MIER2: variants seen among roughly 807,000 people sequenced by gnomAD.
MIER2 encodes the protein MIER family member 2.
MIER2 carries 30 observed loss-of-function variants against 67.6 expected under a neutral mutation model. The observed-to-expected ratio is 0.44, with a 90% CI of 0.33 to 0.60. The LOEUF (loss-of-function observed/expected upper bound fraction) is 0.60. Among genes scored for constraint, MIER2 ranks in the 20% least tolerant of loss-of-function variants. MIER2 has a pLI of 0.02. For synonymous variants in MIER2, 372 were observed against 312.6 expected, an observed-to-expected ratio of 1.19 and a Z score of -2.00; for missense variants, 702 against 745.1, an observed-to-expected ratio of 0.94 and a Z score of 0.67.
intron 4 of MIER2, 133 bp from the exon 5 acceptor site, chr19:327,389 G>C: frequency 2.5e-6 from 3 of 1,183,182 alleles, no homozygotes; most frequent in East Asian, 2.5e-5. Flanking sequence ...ATTCTGCAAA[G>C]GGTGCACAGC....
In MIER2 at chr19:308,234, T is replaced by C. The variant is rs968121828; in HGVS notation, c.1198+343A>G. On this transcript the variant is annotated intron_variant, in intron 12 of 13. Coordinates refer to ENST00000264819, the MANE Select transcript of MIER2 (RefSeq NM_017550.3). The surrounding 1 kb of genome is among the most constrained non-coding windows in gnomAD (Gnocchi z 9.1). ...GACACCCTGTCCTTCCTGAGTGTCC[T>C]GGTGACGGGCTAAGTCCCCACCCTG... 6.6e-5 allele frequency among the ~76,000 whole-genome samples: 10 copies of C among 152,168 alleles called. No individual in the cohort carries two copies. The highest frequency in any genetic ancestry group is 4.4e-5 in the Non-Finnish European group (3 of 68,006).
rs201519441 is a variant in MIER2, at chr19:308,618, C to G, written c.1157G>C (p.Arg386Pro). Reference sequence around the variant, plus strand: ...CAGGGTGTCTTGCTCCGGGCGCGGACGGCCGGGGCCATCGGGGTCGCTGCC... The same window carrying G: ...CAGGGTGTCTTGCTCCGGGCGCGGAGGGCCGGGGCCATCGGGGTCGCTGCC... The part of the protein sequence containing the change: ...LDGSDPDGPG[R>P]PRPEQDTLTG... The change falls in exon 12 of 14, where the codon CGT (arginine) becomes CCT (proline). Residue 386 changes from arginine to proline, a missense_variant. Transcript: ENST00000264819. This position sits in a 1 kb window ranked among gnomAD's most constrained non-coding sequence, Gnocchi z 9.1. The G allele has an allele frequency of 6.2e-7, 1 of 1,607,356 alleles. No homozygotes were observed. The highest frequency in any genetic ancestry group is 1.7e-5 in the Admixed American group (1 of 59,198).
At chr19:322,644 C>T (rs189841577) in intron 7 of MIER2, among the ~76,000 whole-genome samples, 6 of 152,226 alleles carry the variant, frequency 3.9e-5, no homozygotes, top group East Asian at 3.9e-4. Context: ...ATCCACCAGA[C>T]GGGCTAAAAT....
intron 1 of MIER2, among the ~76,000 whole-genome samples, chr19:337,484 G>A (rs1203677351): frequency 6.6e-6 from 1 of 152,120 alleles, no homozygotes; most frequent in Non-Finnish European, 1.5e-5. Flanking sequence ...TTCACACCAT[G>A]AGCACCACAA....
rs1971023590 is a variant in MIER2 at position 311,931 on chromosome 19, A to G, written c.898T>C (p.Cys300Arg). ...FNVKVIRDGL[C>R]AWSEEECRNF... ...CTGCACTCCTCTTCACTCCAAGCAC[A>G]GAGCCCATCTGCAAACACGGCCGGG... Residue 300 changes from cysteine to arginine, a missense_variant, in exon 10 of 14, where the codon TGT becomes CGT. By Grantham distance (180) the Cys-to-Arg change is radical. Transcript: ENST00000264819. 1 of 1,613,994 alleles carries G rather than the reference A, an allele frequency of 6.2e-7. No individual in the cohort carries two copies.
At position 326,531 on chromosome 19, in the gene MIER2, A is replaced by T; in HGVS notation, c.561T>A (p.Ser187=). Residue 187 remains serine (S), a synonymous_variant, in exon 6 of 14, where the codon TCT becomes TCA. Coordinates refer to ENST00000264819, the MANE Select transcript of MIER2 (RefSeq NM_017550.3). Reference sequence around the variant, plus strand: ...CCTTCTTACATTTGTTGGCAGGAAGAGAGTCCTCCTCGGTGTCGGAGGAGG... The same window carrying T: ...CCTTCTTACATTTGTTGGCAGGAAGTGAGTCCTCCTCGGTGTCGGAGGAGG... ...SSASSDTEED[S]LPANKCKKEI... 1 of 1,614,068 alleles carries T rather than the reference A, an allele frequency of 6.2e-7. No individual in the cohort carries two copies. Among genetic ancestry groups the T allele is most frequent in the South Asian group, 1.1e-5 (1 of 91,080 alleles).
intron 3 of MIER2, 55 bp downstream of exon 3, chr19:334,345 G>A (rs1412914452): frequency 4.4e-6 from 7 of 1,606,630 alleles, no homozygotes; most frequent in Non-Finnish European, 5.9e-6. Flanking sequence ...AACTCATGAG[G>A]CTTACCCCGG....
intron 1 of MIER2, among the ~76,000 whole-genome samples, chr19:337,047 T>C (rs1972289413): frequency 6.6e-6 from 1 of 152,148 alleles, no homozygotes. Flanking sequence ...TTTCACCATG[T>C]TGCCCAGGCT....
chr19:344,366 C>T, intron 1 of MIER2: 1 of 984,908 alleles, frequency 1.0e-6, no homozygotes, highest in Non-Finnish European at 1.2e-6. Flanking sequence ...GCAAAGTTGG[C>T]AAAGGCGCGG....
At chr19:343,518 G>C (rs1972594958) in intron 1 of MIER2, among the ~76,000 whole-genome samples, 1 of 152,174 alleles carries the variant, frequency 6.6e-6, no homozygotes, top group Non-Finnish European at 1.5e-5. Flanking sequence ...CATAAACACA[G>C]GGCCTGTTAC....
intron 6 of MIER2, 63 bp downstream of exon 6, chr19:326,444 G>A (rs1568230106): frequency 2.0e-6 from 3 of 1,478,220 alleles, no homozygotes; most frequent in Admixed American, 1.7e-5. Flanking sequence ...CGGGATGCCA[G>A]GTTGGGGAGA....
chr19:325,510 G>T, intron 7 of MIER2, 125 bp downstream of exon 7: 2 of 1,096,732 alleles, frequency 1.8e-6, no homozygotes, highest in Non-Finnish European at 1.4e-6. Flanking sequence ...CCAGCCACAG[G>T]CTCAGCTGCC....
At chr19:327,767 G>C (rs1971826222) in intron 4 of MIER2, 97 bp downstream of exon 4, 4 of 1,531,918 alleles carry the variant, frequency 2.6e-6, no homozygotes, top group Admixed American at 2.1e-5. Flanking sequence ...GGGGGCCTTT[G>C]TGCCTCCTCT....
At chr19:344,743 G>A (rs565781446) in intron 1 of MIER2, 31 bp downstream of exon 1, 8 of 1,163,216 alleles carry the variant, frequency 6.9e-6, no homozygotes, top group South Asian at 4.2e-5. Flanking sequence ...CGCGGGGGCG[G>A]GGGGCCGGCT....
At chr19:313,709 A>G in intron 7 of MIER2, 66 bp from the exon 8 acceptor site, 1 of 1,560,972 alleles carries the variant, frequency 6.4e-7, no homozygotes, top group East Asian at 2.3e-5. Flanking sequence ...CGCCAGGACA[A>G]GCAAAGCAGC....
chr19:341,068 C>T (rs187149514), intron 1 of MIER2, among the ~76,000 whole-genome samples: 140 of 152,336 alleles, frequency 9.2e-4, no homozygotes, highest in African/African-American at 3.2e-3. Context: ...CACAGCCACA[C>T]GCGGTGTGAA....
chr19:315,131 G>A (rs1056852422), intron 7 of MIER2, among the ~76,000 whole-genome samples: 2 of 152,182 alleles, frequency 1.3e-5, no homozygotes, highest in African/African-American at 2.4e-5. Flanking sequence ...TTGGGAGGCT[G>A]AGGCGGGCGG....
At chr19:331,085 G>T (rs939027809) in intron 3 of MIER2, among the ~76,000 whole-genome samples, 1 of 152,146 alleles carries the variant, frequency 6.6e-6, no homozygotes, top group Non-Finnish European at 1.5e-5. Flanking sequence ...AAACTGACCA[G>T]GCGTGGCTCA....
intron 13 of MIER2, 31 bp downstream of exon 13, chr19:307,087 TG>T: frequency 6.5e-7 from 1 of 1,548,466 alleles, no homozygotes; most frequent in Non-Finnish European, 8.7e-7. Flanking sequence ...GTTGGAGTGT[TG>T]CGGAGGCTCC....
Sources: gnomAD v4.1 joint callset for allele counts (sites outside exome capture counted in the v4.1 genomes callset) on GRCh38, gnomAD v4.1.1 for gene constraint, Gnocchi (gnomAD v3.1) non-coding constraint, MANE v1.5 for transcripts, NCBI Gene and HGNC (gene_info 2026-07-23, HGNC 2026-07-21) for gene names.